The following SH3GL2 variants were observed in gnomAD, a reference collection of about 807,000 sequenced individuals.
SH3GL2 encodes SH3 domain containing GRB2 like 2, endophilin A1.
SH3GL2 carries 24 observed loss-of-function variants against 46.0 expected under a neutral mutation model. The ratio of observed to expected loss-of-function variants is 0.52; its 90% confidence interval spans 0.38 to 0.73. The LOEUF is 0.73. Ranked by LOEUF, SH3GL2 falls within the 30% of genes least tolerant of loss-of-function variation. The pLI is 0.00. For missense variants in SH3GL2, 413 were observed against 424.2 expected, an observed-to-expected ratio of 0.97 and a Z score of 0.23; for synonymous variants, 196 against 147.1, an observed-to-expected ratio of 1.33 and a Z score of -2.40.
At position 17,713,342 on chromosome 9, in the gene SH3GL2, A is replaced by G. The variant is rs183288324; in HGVS notation, c.46-33724A>G. 3.3e-5 allele frequency among the ~76,000 whole-genome samples: 5 copies of G among 151,660 alleles called. No individual in the cohort carries two copies. In the East Asian group the frequency reaches 7.8e-4, roughly 24 times the overall value. ...TTTATCAATTTTATTGATCTTCTCA[A>G]ATAACATGCTTTTGGCATCATTGAC... is the stretch of plus-strand genomic sequence containing the variant. On this transcript the variant is annotated intron_variant, in intron 1 of 8. Transcript: ENST00000380607.
At chr9:17,707,088 C>T (rs1475287893) in intron 1 of SH3GL2, among the ~76,000 whole-genome samples, 1 of 152,010 alleles carries the variant, frequency 6.6e-6, no homozygotes, top group South Asian at 2.1e-4. Context: ...AGGAGAGCAG[C>T]CTACAGTAAT....
intron 1 of SH3GL2, among the ~76,000 whole-genome samples, chr9:17,698,329 T>G (rs1340389499): frequency 6.6e-6 from 1 of 152,176 alleles, no homozygotes; most frequent in African/African-American, 2.4e-5. Context: ...TTAGTGCTTT[T>G]AATATCAGCT....
chr9:17,742,004 G>A (rs555940536), intron 1 of SH3GL2, among the ~76,000 whole-genome samples: 3 of 152,278 alleles, frequency 2.0e-5, no homozygotes, highest in South Asian at 2.1e-4. Flanking sequence ...GGAACAAACA[G>A]CACATTTGGT....
At chr9:17,711,662 A>C (rs1481206048) in intron 1 of SH3GL2, among the ~76,000 whole-genome samples, 1 of 151,864 alleles carries the variant, frequency 6.6e-6, no homozygotes, top group African/African-American at 2.4e-5. Context: ...TTATATTGCC[A>C]AATAGTATTC....
At chr9:17,615,822 T>G (rs998561237) in intron 1 of SH3GL2, among the ~76,000 whole-genome samples, 1 of 152,198 alleles carries the variant, frequency 6.6e-6, no homozygotes, top group African/African-American at 2.4e-5. Flanking sequence ...TAATGCTAAC[T>G]TTCTAGAACT....
chr9:17,669,756 G>A (rs1226066735), intron 1 of SH3GL2, among the ~76,000 whole-genome samples: 1 of 152,134 alleles, frequency 6.6e-6, no homozygotes, highest in East Asian at 1.9e-4. Context: ...ACATTCCTCT[G>A]AGATAAATGC....
chr9:17,784,716 C>T (rs1296698865), intron 3 of SH3GL2, among the ~76,000 whole-genome samples: 3 of 152,100 alleles, frequency 2.0e-5, no homozygotes, highest in Admixed American at 6.6e-5. Flanking sequence ...GATTCTGTGG[C>T]ATTTTCTCTT....
chr9:17,674,458 G>T lies in SH3GL2; in HGVS notation c.46-72608G>T, dbSNP rs150758239. 2.9e-3 allele frequency among the ~76,000 whole-genome samples: 441 copies of T among 152,066 alleles called. 2 individuals are homozygous for T. Among genetic ancestry groups the T allele is most frequent in the African/African-American group, 8.3e-3 (345 of 41,476 alleles). ...ATTTTTGTTTTTTTAGTAGGGACAG[G>T]GTTTCACCATATCGCCCAGGCTGTG... On this transcript the variant is annotated intron_variant, in intron 1 of 8. Transcript: ENST00000380607.
chr9:17,727,680 C>T (rs370902736), intron 1 of SH3GL2, among the ~76,000 whole-genome samples: 3 of 152,268 alleles, frequency 2.0e-5, no homozygotes, highest in East Asian at 1.9e-4. Flanking sequence ...CAGTGGATGA[C>T]GATTTCCATA....
At chr9:17,771,771 C>G (rs1823487522) in intron 3 of SH3GL2, among the ~76,000 whole-genome samples, 1 of 152,116 alleles carries the variant, frequency 6.6e-6, no homozygotes, top group South Asian at 2.1e-4. Flanking sequence ...CTTAATATCC[C>G]TCCCTGCTGT....
intron 1 of SH3GL2, among the ~76,000 whole-genome samples, chr9:17,652,336 ATG>A (rs1819976875): frequency 1.3e-5 from 2 of 151,734 alleles, no homozygotes; most frequent in African/African-American, 4.8e-5. Context: ...TTTTACATAT[ATG>A]TGTTTTTATT....
At chr9:17,607,504 G>A (rs929003127) in intron 1 of SH3GL2, among the ~76,000 whole-genome samples, 3 of 152,140 alleles carry the variant, frequency 2.0e-5, no homozygotes, top group African/African-American at 4.8e-5. Flanking sequence ...ACATAGCTGA[G>A]TTTTTCAGGT....
intron 1 of SH3GL2, among the ~76,000 whole-genome samples, chr9:17,722,815 A>G (rs950604153): frequency 1.3e-5 from 2 of 152,124 alleles, no homozygotes; most frequent in African/African-American, 4.8e-5. Context: ...ATATCTGACT[A>G]TAACAACTAG....
In SH3GL2 at chr9:17,650,232, C is replaced by G. The variant is rs543094892; in HGVS notation, c.45+70945C>G. Among the ~76,000 whole-genome samples, 282 of 152,296 alleles carry G rather than the reference C, an allele frequency of 1.9e-3. 1 individual carries two copies. Among genetic ancestry groups the G allele is most frequent in the African/African-American group, 6.6e-3 (274 of 41,564 alleles). On this transcript the variant is annotated intron_variant, in intron 1 of 8. Coordinates refer to ENST00000380607, the MANE Select transcript of SH3GL2 (RefSeq NM_003026.5). The stretch of plus-strand genomic sequence containing the variant: ...AAATGTGAGTATTGTCAGGATTTTA[C>G]TTAAACTAGAAATAAATGATATCCT...
At chr9:17,628,809 G>A (rs1402430953) in intron 1 of SH3GL2, among the ~76,000 whole-genome samples, 1 of 152,018 alleles carries the variant, frequency 6.6e-6, no homozygotes, top group Non-Finnish European at 1.5e-5. Flanking sequence ...TCAGTGTGAA[G>A]CAAGACTTTG....
At chr9:17,685,060 G>A (rs1820868154) in intron 1 of SH3GL2, among the ~76,000 whole-genome samples, 1 of 152,096 alleles carries the variant, frequency 6.6e-6, no homozygotes, top group East Asian at 1.9e-4. Flanking sequence ...GTTTTTAAGG[G>A]TGGTGTACTT....
chr9:17,789,096 G>T lies in SH3GL2; in HGVS notation c.466-296G>T, dbSNP rs1019356228. ...CATTCCTTCTCTGTTTCTGTCATGG[G>T]CTGCAAAGGCTTAGTCCAGCTTGGC... On this transcript the variant is annotated intron_variant, in intron 5 of 8. Coordinates refer to ENST00000380607, the MANE Select transcript of SH3GL2 (RefSeq NM_003026.5). 2.6e-5 allele frequency among the ~76,000 whole-genome samples: 4 copies of T among 152,302 alleles called. No individual in the cohort carries two copies. In the South Asian group the frequency reaches 8.3e-4, roughly 32 times the overall value.
At chr9:17,650,887 A>T (rs1043254248) in intron 1 of SH3GL2, among the ~76,000 whole-genome samples, 1 of 152,174 alleles carries the variant, frequency 6.6e-6, no homozygotes, top group Admixed American at 6.5e-5. Flanking sequence ...ATCACTGGTC[A>T]TCTTATGTCC....
At chr9:17,696,236 A>C (rs1266189694) in intron 1 of SH3GL2, among the ~76,000 whole-genome samples, 1 of 152,176 alleles carries the variant, frequency 6.6e-6, no homozygotes, top group Non-Finnish European at 1.5e-5. Context: ...TTATAACTCA[A>C]GGATATTTTA....
Sources: allele counts gnomAD v4.1 joint callset (sites outside exome capture counted in the v4.1 genomes callset), GRCh38; gene constraint gnomAD v4.1.1; transcripts MANE v1.5; gene names NCBI Gene and HGNC (gene_info 2026-07-23, HGNC 2026-07-21).